The following GALNTL6 variants were observed in gnomAD, a reference collection of about 807,000 sequenced individuals.
GALNTL6 encodes polypeptide N-acetylgalactosaminyltransferase-like 6.
A neutral mutation model predicts 73.7 loss-of-function variants in GALNTL6; 46 were observed. The observed-to-expected ratio is 0.62, with a 90% CI of 0.49 to 0.80. GALNTL6 has a LOEUF of 0.80. GALNTL6 is among the 30% of genes least tolerant of loss of function. The pLI, the probability that GALNTL6 is intolerant of heterozygous loss-of-function variation, is 0.00. For missense variants in GALNTL6, 604 were observed against 755.0 expected, an observed-to-expected ratio of 0.80 and a Z score of 2.34; for synonymous variants, 259 against 263.7, an observed-to-expected ratio of 0.98 and a Z score of 0.17.
At chr4:172,852,586 ATATGTT>A (rs1256260850) in intron 7 of GALNTL6, among the ~76,000 whole-genome samples, 6 of 152,288 alleles carry the variant, frequency 3.9e-5, no homozygotes, top group Non-Finnish European at 2.9e-5. Context: ...TACCTAGAGT[ATATGTT>A]TATTCGGGGT....
intron 7 of GALNTL6, among the ~76,000 whole-genome samples, chr4:172,841,446 C>G (rs1210929192): frequency 6.6e-6 from 1 of 152,044 alleles, no homozygotes; most frequent in East Asian, 1.9e-4. Context: ...CCAGGCAGCC[C>G]CAAAGTGTAA....
chr4:173,039,514 G>A (rs537278942), intron 12 of GALNTL6, among the ~76,000 whole-genome samples: 3 of 152,018 alleles, frequency 2.0e-5, no homozygotes, highest in South Asian at 4.2e-4. Flanking sequence ...TATTTACTGC[G>A]GACTAAAATA....
chr4:171,834,737 T>G (rs1735057204), intron 2 of GALNTL6, among the ~76,000 whole-genome samples: 1 of 151,914 alleles, frequency 6.6e-6, no homozygotes, highest in Non-Finnish European at 1.5e-5. Context: ...AAAAGTGCTC[T>G]TTTCTATCAA....
chr4:172,844,503 G>A (rs1371986137), intron 7 of GALNTL6, among the ~76,000 whole-genome samples: 8 of 152,062 alleles, frequency 5.3e-5, no homozygotes, highest in African/African-American at 9.7e-5. Context: ...TCCTCACGCC[G>A]GATTTTAGTG....
intron 2 of GALNTL6, among the ~76,000 whole-genome samples, chr4:171,867,792 T>C (rs1736010050): frequency 2.0e-5 from 3 of 152,220 alleles, no homozygotes; most frequent in Admixed American, 6.5e-5. Context: ...AATAAAATTC[T>C]GTATGATCTT....
chr4:171,909,893 C>T (rs1366949626), intron 2 of GALNTL6, among the ~76,000 whole-genome samples: 1 of 152,052 alleles, frequency 6.6e-6, no homozygotes, highest in Non-Finnish European at 1.5e-5. Flanking sequence ...ATAGTCAAAG[C>T]ATCAAAGACA....
At chr4:172,618,416 T>C (rs925397793) in intron 5 of GALNTL6, among the ~76,000 whole-genome samples, 1 of 152,174 alleles carries the variant, frequency 6.6e-6, no homozygotes, top group Non-Finnish European at 1.5e-5. Flanking sequence ...ATTATACTCC[T>C]CTCACTAATA....
At chr4:172,855,523 C>A (rs549758213) in intron 7 of GALNTL6, among the ~76,000 whole-genome samples, 3 of 152,260 alleles carry the variant, frequency 2.0e-5, no homozygotes, top group Middle Eastern at 3.4e-3. Flanking sequence ...TGACCAATTT[C>A]TGTGTTCTAA....
At chr4:172,766,543 G>T (rs546773391) in intron 5 of GALNTL6, among the ~76,000 whole-genome samples, 38 of 152,200 alleles carry the variant, frequency 2.5e-4, no homozygotes, top group African/African-American at 8.4e-4. Flanking sequence ...AAATGTCCAA[G>T]TAAGGCAACA....
chr4:172,930,835 T>C (rs988029807), intron 8 of GALNTL6, among the ~76,000 whole-genome samples: 24 of 152,118 alleles, frequency 1.6e-4, no homozygotes, highest in Admixed American at 9.8e-4. Flanking sequence ...CAGCTAATTT[T>C]TGTATTTTTT....
At chr4:172,746,160 T>C (rs952733879) in intron 5 of GALNTL6, among the ~76,000 whole-genome samples, 1 of 152,106 alleles carries the variant, frequency 6.6e-6, no homozygotes, top group African/African-American at 2.4e-5. Flanking sequence ...ATTATTATTA[T>C]TATTGCTTGC....
intron 5 of GALNTL6, among the ~76,000 whole-genome samples, chr4:172,803,085 A>G (rs1231556710): frequency 6.6e-6 from 1 of 152,236 alleles, no homozygotes; most frequent in Non-Finnish European, 1.5e-5. Context: ...AATTACAGGA[A>G]TAAACTCTCT....
At chr4:172,477,592 G>A (rs1561101450) in intron 5 of GALNTL6, among the ~76,000 whole-genome samples, 1 of 152,192 alleles carries the variant, frequency 6.6e-6, no homozygotes, top group East Asian at 1.9e-4. Context: ...CTGGCTGGCT[G>A]TGCTCACTCT....
chr4:172,348,416 C>A, intron 4 of GALNTL6, 107 bp from the exon 5 acceptor site: 1 of 857,880 alleles, frequency 1.2e-6, no homozygotes, highest in Non-Finnish European at 1.8e-6. Flanking sequence ...AAGTATTAGA[C>A]TAAGTCGTGT....
rs1436548111 is a variant in GALNTL6, at chr4:172,504,384, A to G, written c.553+155695A>G. On this transcript the variant is annotated intron_variant, in intron 5 of 12. Transcript: ENST00000506823. ...TCCTACCTGCGAAGTCATCAGTCTC[A>G]ATAACTTAGTCTATGGAAGGTAGTT... 9.6e-5 allele frequency among the ~76,000 whole-genome samples: 5 copies of G among 52,186 alleles called. 2 individuals carry two copies. The highest frequency in any genetic ancestry group is 2.2e-4 in the Non-Finnish European group (5 of 23,082). The allele number at this position is 52,186 out of a possible 152,430, so 34.2% of individuals were successfully genotyped here.
intron 5 of GALNTL6, among the ~76,000 whole-genome samples, chr4:172,715,059 C>A (rs1474071587): frequency 4.6e-5 from 7 of 151,862 alleles, no homozygotes; most frequent in Non-Finnish European, 1.5e-5. Context: ...TTAAGATCTT[C>A]TGGTTTCAGA....
chr4:172,578,695 C>T (rs930019717), intron 5 of GALNTL6, among the ~76,000 whole-genome samples: 4 of 152,140 alleles, frequency 2.6e-5, no homozygotes, highest in Non-Finnish European at 5.9e-5. Context: ...TCACAAAATC[C>T]CTCAAGAATC....
intron 5 of GALNTL6, among the ~76,000 whole-genome samples, chr4:172,663,935 A>AG (rs1224618950): frequency 1.6e-5 from 1 of 64,464 alleles, no homozygotes; most frequent in East Asian, 4.8e-4. Flanking sequence ...GTCTCAAAAA[A>AG]AAAAAAAAGA....
chr4:172,705,588 A>T (rs115651118), intron 5 of GALNTL6, among the ~76,000 whole-genome samples: 6 of 151,644 alleles, frequency 4.0e-5, no homozygotes, highest in Admixed American at 2.6e-4. Context: ...AATGATTTTT[A>T]TACTTCAGGT....
Sources: allele counts gnomAD v4.1 joint callset (sites outside exome capture counted in the v4.1 genomes callset), GRCh38; gene constraint gnomAD v4.1.1; transcripts MANE v1.5; gene names NCBI Gene and HGNC (gene_info 2026-07-23, HGNC 2026-07-21).